KCNQ5: variants seen among roughly 807,000 people sequenced by gnomAD.
The protein encoded by KCNQ5 is potassium voltage-gated channel subfamily KQT member 5.
In KCNQ5, 30 loss-of-function variants were observed where a neutral mutation model predicts 98.2. That is an observed-to-expected ratio of 0.31 (90% CI 0.23 to 0.41). The LOEUF (loss-of-function observed/expected upper bound fraction) is 0.41, where lower values mean the gene tolerates loss of function less well. KCNQ5 is among the 10% of genes least tolerant of loss of function. KCNQ5 has a pLI of 1.00. For synonymous variants in KCNQ5, 458 were observed against 449.4 expected (o/e 1.02, Z -0.24); for missense variants, 835 against 1,182.5 (o/e 0.71, Z 4.31).
chr6:73,129,326 T>TTCTA (rs10643308), intron 9 of KCNQ5, among the ~76,000 whole-genome samples: 152,322 of 152,330 alleles, frequency 1, 76,157 homozygotes, highest in Middle Eastern at 1. Context: ...TGAACATATA[T>TTCTA]TCTGACAATT....
chr6:73,169,737 C>A lies in KCNQ5; in HGVS notation c.1469-9C>A. On this transcript the variant is annotated splice_polypyrimidine_tract_variant and intron_variant, in intron 10 of 13. Transcript: ENST00000370398. The stretch of plus-strand genomic sequence containing the variant: ...GTGGTGTTATTTAACTGGCAATATT[C>A]TCTTGCAGCTGACACAGCCCTTGGC... 6.9e-6 allele frequency: 11 copies of A among 1,589,034 alleles called. No individual in the cohort carries two copies. Among genetic ancestry groups the A allele is most frequent in the Non-Finnish European group, 8.6e-6 (10 of 1,157,668 alleles).
chr6:73,159,083 A>G (rs1015775856), intron 10 of KCNQ5, among the ~76,000 whole-genome samples: 1 of 152,222 alleles, frequency 6.6e-6, no homozygotes, highest in Non-Finnish European at 1.5e-5. Context: ...TATAGCAAAG[A>G]CATAGACTCA....
intron 3 of KCNQ5, among the ~76,000 whole-genome samples, chr6:73,073,561 T>C (rs1464987287): frequency 2.6e-5 from 4 of 152,214 alleles, no homozygotes; most frequent in Non-Finnish European, 5.9e-5. Flanking sequence ...TTGATGTATA[T>C]AAAACATTTA....
intron 1 of KCNQ5, among the ~76,000 whole-genome samples, chr6:72,882,828 G>A (rs917758174): frequency 1.5e-4 from 23 of 152,144 alleles, no homozygotes; most frequent in African/African-American, 4.8e-5. Flanking sequence ...TGCTGATTAT[G>A]AGGTGATTTT....
chr6:73,166,468 T>A (rs1777799391), intron 10 of KCNQ5, among the ~76,000 whole-genome samples: 1 of 151,146 alleles, frequency 6.6e-6, no homozygotes, highest in African/African-American at 2.4e-5. Context: ...TCATGGGGTT[T>A]TGATACAATT....
At chr6:73,071,221 T>A (rs1349215716) in intron 3 of KCNQ5, among the ~76,000 whole-genome samples, 1 of 152,200 alleles carries the variant, frequency 6.6e-6, no homozygotes, top group Admixed American at 6.5e-5. Flanking sequence ...AGCATTCCTT[T>A]TTATTAGCAA....
At chr6:72,772,681 G>C (rs1241788860) in intron 1 of KCNQ5, among the ~76,000 whole-genome samples, 1 of 152,124 alleles carries the variant, frequency 6.6e-6, no homozygotes, top group East Asian at 1.9e-4. Flanking sequence ...ATGTATTGAA[G>C]GGCTGTGCAG....
At chr6:73,161,680 A>C (rs1005584078) in intron 10 of KCNQ5, among the ~76,000 whole-genome samples, 2 of 152,238 alleles carry the variant, frequency 1.3e-5, no homozygotes, top group Non-Finnish European at 2.9e-5. Flanking sequence ...ACTAAGAAAA[A>C]GAACTAGAAA....
intron 11 of KCNQ5, among the ~76,000 whole-genome samples, chr6:73,178,535 T>C (rs1778298575): frequency 6.6e-6 from 1 of 151,106 alleles, no homozygotes; most frequent in African/African-American, 2.4e-5. Flanking sequence ...GTGGAAACAG[T>C]GTGGCCACAG....
intron 1 of KCNQ5, among the ~76,000 whole-genome samples, chr6:72,812,287 G>A (rs1287915252): frequency 6.6e-6 from 1 of 152,104 alleles, no homozygotes; most frequent in African/African-American, 2.4e-5. Flanking sequence ...TCCTTGGAAT[G>A]CAGCCCAGCA....
chr6:73,031,438 G>A (rs1428547974), intron 2 of KCNQ5, among the ~76,000 whole-genome samples: 1 of 152,294 alleles, frequency 6.6e-6, no homozygotes. Flanking sequence ...CCTCCAGCTA[G>A]CTCTTTTTGA....
Position 72,867,047 on chromosome 6 carries a change from G to C in KCNQ5, c.399-136861G>C, listed in dbSNP as rs150831577. ...ATAGGCATATATTGGATATTTGAGAGGCTCACCTATTAGTTTAATAGTTCA... is the reference window on the plus strand; with the variant it reads ...ATAGGCATATATTGGATATTTGAGACGCTCACCTATTAGTTTAATAGTTCA... On this transcript the variant is annotated intron_variant, in intron 1 of 13. Coordinates refer to ENST00000370398, the MANE Select transcript of KCNQ5 (RefSeq NM_019842.4). 7.1e-3 allele frequency among the ~76,000 whole-genome samples: 1,078 copies of C among 152,216 alleles called. 13 individuals are homozygous for C. The highest frequency in any genetic ancestry group is 0.025 in the African/African-American group (1,028 of 41,522).
At chr6:72,895,374 T>G (rs1440917993) in intron 1 of KCNQ5, among the ~76,000 whole-genome samples, 1 of 151,146 alleles carries the variant, frequency 6.6e-6, no homozygotes, top group Non-Finnish European at 1.5e-5. Flanking sequence ...CTACTTCAAC[T>G]ACAGAAGGGC....
intron 1 of KCNQ5, among the ~76,000 whole-genome samples, chr6:72,669,128 C>A (rs1408837840): frequency 6.6e-6 from 1 of 152,084 alleles, no homozygotes; most frequent in Non-Finnish European, 1.5e-5. Context: ...AGTCTAAATT[C>A]TAAAATCTCA....
intron 1 of KCNQ5, among the ~76,000 whole-genome samples, chr6:72,876,683 A>T (rs1778421251): frequency 6.6e-6 from 1 of 152,234 alleles, no homozygotes; most frequent in Admixed American, 6.5e-5. Context: ...TTCATACAAA[A>T]GTATTATACT....
rs138817465 is a variant in KCNQ5, at chr6:73,175,950, G to A, written c.1577+6096G>A. Among the ~76,000 whole-genome samples the A allele has an allele frequency of 3.3e-4, 50 of 152,182 alleles. 1 individual carries two copies. The highest frequency in any genetic ancestry group is 1.2e-3 in the African/African-American group (50 of 41,504). The stretch of plus-strand genomic sequence containing the variant: ...GCCAGGTTACTAAGGAGGATATAGA[G>A]GCTGGGCAGAGAGAACTGCAATTGC... On this transcript the variant is annotated intron_variant, in intron 11 of 13. Coordinates refer to ENST00000370398, the MANE Select transcript of KCNQ5 (RefSeq NM_019842.4).
intron 1 of KCNQ5, among the ~76,000 whole-genome samples, chr6:72,736,517 T>TTTTTTTTTTTAG (rs1770844667): frequency 6.9e-6 from 1 of 145,250 alleles, no homozygotes. Flanking sequence ...TTTTTTTTTT[T>TTTTTTTTTTTAG]GAGACGGAGT....
intron 1 of KCNQ5, among the ~76,000 whole-genome samples, chr6:72,852,754 C>T (rs1777332063): frequency 6.8e-6 from 1 of 147,758 alleles, no homozygotes; most frequent in South Asian, 2.1e-4. Flanking sequence ...TTTTATGAGC[C>T]CATTTTTAAA....
intron 1 of KCNQ5, among the ~76,000 whole-genome samples, chr6:72,844,139 A>G (rs570137509): frequency 6.6e-6 from 1 of 152,280 alleles, no homozygotes; most frequent in Admixed American, 6.5e-5. Context: ...TTCTGCACAT[A>G]TATCCCAGAA....
Sources: allele counts gnomAD v4.1 joint callset (sites outside exome capture counted in the v4.1 genomes callset), GRCh38; gene constraint gnomAD v4.1.1; transcripts MANE v1.5; gene names NCBI Gene and HGNC (gene_info 2026-07-23, HGNC 2026-07-21).